The following PRKCB variants were observed in gnomAD, a reference collection of about 807,000 sequenced individuals.
The protein encoded by PRKCB is protein kinase C beta type.
Under a neutral mutation model 81.5 loss-of-function variants are expected in PRKCB, and 13 were observed. That is an observed-to-expected ratio of 0.16 (90% CI 0.10 to 0.25). The LOEUF (loss-of-function observed/expected upper bound fraction) is 0.25. Ranked by LOEUF, PRKCB falls within the 10% of genes least tolerant of loss-of-function variation. The probability of loss-of-function intolerance (pLI) is 1.00; values close to 1 mark genes in which losing one functional copy is unlikely to be tolerated. For missense variants in PRKCB, 509 were observed against 875.7 expected (o/e 0.58, Z 5.29); for synonymous variants, 335 against 321.4 (o/e 1.04, Z -0.45).
chr16:24,032,622 G>A (rs1965563901), intron 4 of PRKCB, among the ~76,000 whole-genome samples: 1 of 152,170 alleles, frequency 6.6e-6, no homozygotes. Context: ...TGTCATCTGG[G>A]TGATGGTGAT....
At chr16:24,073,868 C>T (rs1212942807) in intron 5 of PRKCB, among the ~76,000 whole-genome samples, 1 of 149,182 alleles carries the variant, frequency 6.7e-6, no homozygotes, top group Non-Finnish European at 1.5e-5. Flanking sequence ...GATGGCCGGG[C>T]GTGGTGGCTC....
chr16:24,172,370 G>A lies in PRKCB; in HGVS notation c.1331+9G>A, dbSNP rs1304796575. On this transcript the variant is annotated intron_variant, in intron 11 of 16. Transcript: ENST00000643927. ...AAGGAGCCCCATGCTGTGTAAGTGA[G>A]AACTAGTGCTGTGCTTTCTCCTTGG... 3 of 1,611,804 alleles carry A rather than the reference G, an allele frequency of 1.9e-6. No individual in the cohort carries two copies. The highest frequency in any genetic ancestry group is 1.7e-6 in the Non-Finnish European group (2 of 1,178,474).
chr16:24,195,202 GA>G (rs35292926), intron 16 of PRKCB, among the ~76,000 whole-genome samples: 37 of 144,200 alleles, frequency 2.6e-4, no homozygotes, highest in East Asian at 6.1e-4. Flanking sequence ...CCCTGTCTCA[GA>G]AAAAAAAAAA....
At position 24,124,001 on chromosome 16, in the gene PRKCB, C is replaced by T. The variant is rs1015827733; in HGVS notation, c.1065+20C>T. 6.8e-6 allele frequency: 11 copies of T among 1,613,290 alleles called. No individual in the cohort carries two copies. Among genetic ancestry groups the T allele is most frequent in the Middle Eastern group, 1.6e-4 (1 of 6,074 alleles). On this transcript the variant is annotated intron_variant, in intron 9 of 16. Coordinates refer to ENST00000643927, the MANE Select transcript of PRKCB (RefSeq NM_002738.7). ...GGCAAGGTATGGTATGATTTGGTGG[C>T]TCCACCTGCTTTGGAAGGAACATCT...
At chr16:23,862,933 T>C (rs113352517) in intron 2 of PRKCB, among the ~76,000 whole-genome samples, 88 of 149,690 alleles carry the variant, frequency 5.9e-4, no homozygotes, top group African/African-American at 2.1e-3. Context: ...TCCCGATATC[T>C]TGAGAACAAA....
chr16:24,070,147 A>ATT (rs761693030), intron 5 of PRKCB, among the ~76,000 whole-genome samples: 2,018 of 134,946 alleles, frequency 0.015, 64 homozygotes, highest in African/African-American at 0.051. Context: ...AAACCAGGGG[A>ATT]TTTTTTTTTT....
chr16:24,085,642 G>A (rs530412623), intron 5 of PRKCB, among the ~76,000 whole-genome samples: 2 of 152,284 alleles, frequency 1.3e-5, no homozygotes, highest in South Asian at 4.1e-4. Context: ...CATTTGAGTT[G>A]TCTGTGTAGG....
intron 14 of PRKCB, 61 bp from the exon 15 acceptor site, chr16:24,185,399 G>T: frequency 1.4e-6 from 2 of 1,479,256 alleles, no homozygotes; most frequent in East Asian, 2.3e-5. Flanking sequence ...GCCAGTTGAG[G>T]GGAGCTAGGG....
rs952242131 is a variant in PRKCB, at chr16:24,216,231, C to A, written c.*1415C>A. Reference sequence around the variant, plus strand: ...GACCTGGCCAGAGCCAACGAGGATACTGGAGCCCAAAGTCAAGTTTAGAGA... The same window carrying A: ...GACCTGGCCAGAGCCAACGAGGATAATGGAGCCCAAAGTCAAGTTTAGAGA... On this transcript the variant is annotated 3_prime_UTR_variant, in exon 17 of 17. Transcript: ENST00000643927. 3.0e-6 allele frequency: 3 copies of A among 985,286 alleles called. No individual in the cohort carries two copies. In the African/African-American group the frequency reaches 5.2e-5, roughly 17 times the overall value. The allele number at this position is 985,286 out of a possible 1,614,324, so 61.0% of individuals were successfully genotyped here.
Position 24,021,670 on chromosome 16 carries a change from A to G in PRKCB, c.289-10466A>G, listed in dbSNP as rs370357943. Reference sequence around the variant, plus strand: ...GAGGGGTTCCCACTCGGCTGGCTGCATTTCTGGAGTCTGACAAACTTGGCT... The same window carrying G: ...GAGGGGTTCCCACTCGGCTGGCTGCGTTTCTGGAGTCTGACAAACTTGGCT... On this transcript the variant is annotated intron_variant, in intron 3 of 16. Coordinates refer to ENST00000643927, the MANE Select transcript of PRKCB (RefSeq NM_002738.7). Among the ~76,000 whole-genome samples, 28 of 152,102 alleles carry G rather than the reference A, an allele frequency of 1.8e-4. No individual in the cohort carries two copies. In the East Asian group the frequency reaches 2.0e-3, roughly 11 times the overall value.
intron 5 of PRKCB, among the ~76,000 whole-genome samples, chr16:24,047,459 A>T (rs1414060330): frequency 2.0e-5 from 3 of 151,766 alleles, no homozygotes; most frequent in Admixed American, 2.0e-4. Context: ...TGAGCCCAGG[A>T]GTTGGTGGCT....
intron 3 of PRKCB, among the ~76,000 whole-genome samples, chr16:24,026,824 G>C (rs142995706): frequency 6.6e-6 from 1 of 152,184 alleles, no homozygotes; most frequent in African/African-American, 2.4e-5. Context: ...AAGGAGAAGA[G>C]AAAGATGGCA....
At chr16:23,982,549 C>T (rs1964752595) in intron 2 of PRKCB, among the ~76,000 whole-genome samples, 1 of 151,956 alleles carries the variant, frequency 6.6e-6, no homozygotes, top group African/African-American at 2.4e-5. Flanking sequence ...CCCACCTCAG[C>T]TTCCCAAGTA....
chr16:24,197,039 T>A (rs1349867094), intron 16 of PRKCB, among the ~76,000 whole-genome samples: 1 of 152,168 alleles, frequency 6.6e-6, no homozygotes, highest in Non-Finnish European at 1.5e-5. Flanking sequence ...TTCTGTCCTC[T>A]GGTGGGGATG....
chr16:23,933,617 G>T (rs1307873365), intron 2 of PRKCB, among the ~76,000 whole-genome samples: 2 of 149,518 alleles, frequency 1.3e-5, no homozygotes, highest in African/African-American at 4.9e-5. Context: ...TTTTGAGAGT[G>T]GTGTGAACTG....
chr16:24,022,053 G>A (rs1364109114), intron 3 of PRKCB, among the ~76,000 whole-genome samples: 1 of 152,144 alleles, frequency 6.6e-6, no homozygotes, highest in Non-Finnish European at 1.5e-5. Context: ...AAGAGGAATC[G>A]TGCCAGGATC....
chr16:23,997,420 T>C (rs551186196), intron 3 of PRKCB, among the ~76,000 whole-genome samples: 1 of 152,276 alleles, frequency 6.6e-6, no homozygotes, highest in African/African-American at 2.4e-5. Context: ...CCCTGCCAGG[T>C]AAGGAACCAC....
intron 3 of PRKCB, among the ~76,000 whole-genome samples, chr16:24,002,632 C>A (rs1965053657): frequency 6.6e-6 from 1 of 152,132 alleles, no homozygotes; most frequent in South Asian, 2.1e-4. Flanking sequence ...AGCCACTGCG[C>A]CTGGCCAGCA....
intron 7 of PRKCB, among the ~76,000 whole-genome samples, chr16:24,100,545 G>C (rs2141907365): frequency 6.6e-6 from 1 of 152,264 alleles, no homozygotes; most frequent in Admixed American, 6.5e-5. Flanking sequence ...TTCTGCTGCT[G>C]CTGGAATGAT....
Sources: allele counts gnomAD v4.1 joint callset (sites outside exome capture counted in the v4.1 genomes callset), GRCh38; gene constraint gnomAD v4.1.1; transcripts MANE v1.5; gene names NCBI Gene and HGNC (gene_info 2026-07-23, HGNC 2026-07-21).